QTGAL: variants seen among roughly 807,000 people sequenced by gnomAD.
QTGAL encodes BGnT-like protein 1.
the QTGAL span, among the ~76,000 whole-genome samples, chr17:83,036,371 C>G: frequency 1.3e-5 from 2 of 152,130 alleles, no homozygotes; most frequent in East Asian, 1.9e-4. Context: ...AAGGGGGTGA[C>G]CAGAGGGGCC....
the QTGAL span, among the ~76,000 whole-genome samples, chr17:83,031,260 G>A: frequency 3.3e-5 from 5 of 151,910 alleles, no homozygotes; most frequent in East Asian, 1.9e-4. Flanking sequence ...GAGCACCCAC[G>A]GGTCCCTCGC....
chr17:82,957,548 G>C, the QTGAL span: 16 of 1,544,590 alleles, frequency 1.0e-5, no homozygotes, highest in African/African-American at 2.7e-5. Context: ...GATGCACACA[G>C]ATGCTGACAT....
chr17:82,995,592 C>A, the QTGAL span, among the ~76,000 whole-genome samples: 4 of 152,054 alleles, frequency 2.6e-5, no homozygotes, highest in Non-Finnish European at 1.5e-5. Context: ...CTATGTTAAC[C>A]AGGATGGGTC....
chr17:83,026,215 C>A, the QTGAL span, among the ~76,000 whole-genome samples: 1 of 152,156 alleles, frequency 6.6e-6, no homozygotes, highest in African/African-American at 2.4e-5. Context: ...GGAGAACCAG[C>A]GAGAGCGTGG....
At chr17:83,009,602 G>A in the QTGAL span, among the ~76,000 whole-genome samples, 25 of 152,154 alleles carry the variant, frequency 1.6e-4, no homozygotes, top group Admixed American at 1.6e-3. Context: ...CCGTGGATTC[G>A]CCACAGAGGC....
At chr17:83,026,221 C>T in the QTGAL span, among the ~76,000 whole-genome samples, 4 of 152,174 alleles carry the variant, frequency 2.6e-5, no homozygotes, top group East Asian at 1.9e-4. Context: ...CCAGCGAGAG[C>T]GTGGGTGTTC....
the QTGAL span, among the ~76,000 whole-genome samples, chr17:82,970,624 CGTGGCCGCG>C: frequency 3.0e-5 from 2 of 66,636 alleles, no homozygotes; most frequent in African/African-American, 6.7e-5. Flanking sequence ...CCCCACCCGG[CGTGGCCGCG>C]ACCTCCGCAC....
the QTGAL span, chr17:82,978,644 AATTTTTCTGT>A: frequency 1.3e-5 from 2 of 152,082 alleles, no homozygotes; most frequent in Admixed American, 6.5e-5. This position sits in a 1 kb window ranked among gnomAD's most constrained non-coding sequence, Gnocchi z 4.8. Context: ...GGTTCTAGGA[AATTTTTCTGT>A]ATTTTTCTTA....
the QTGAL span, among the ~76,000 whole-genome samples, chr17:83,039,320 T>A: frequency 1.1e-4 from 5 of 44,986 alleles, no homozygotes; most frequent in Non-Finnish European, 2.1e-4. Context: ...GACACACTGC[T>A]GGGCGCCCGC....
the QTGAL span, chr17:83,005,801 G>T: frequency 8.9e-7 from 1 of 1,120,226 alleles, no homozygotes; most frequent in Non-Finnish European, 1.2e-6. The surrounding 1 kb of genome is among the most constrained non-coding windows in gnomAD (Gnocchi z 5.6). Flanking sequence ...CCCGGGCCCT[G>T]CAGAGCCTCA....
At chr17:83,007,203 T>C in the QTGAL span, 1 of 984,280 alleles carries the variant, frequency 1.0e-6, no homozygotes, top group Non-Finnish European at 1.2e-6. Flanking sequence ...ATTCTATCTG[T>C]GAACCTTTCA....
At chr17:83,043,040 A>T in the QTGAL span, among the ~76,000 whole-genome samples, 1 of 152,254 alleles carries the variant, frequency 6.6e-6, no homozygotes, top group Admixed American at 6.5e-5. Context: ...TAAGGCAAAG[A>T]TTGACTGAAT....
the QTGAL span, among the ~76,000 whole-genome samples, chr17:82,964,255 C>CA: frequency 0.49 from 35,219 of 72,422 alleles, 9,751 homozygotes; most frequent in East Asian, 0.74. Flanking sequence ...GACCCTGTCT[C>CA]AAAAAAAAAA....
At chr17:83,001,388 C>T in the QTGAL span, among the ~76,000 whole-genome samples, 1 of 152,134 alleles carries the variant, frequency 6.6e-6, no homozygotes, top group African/African-American at 2.4e-5. Context: ...AATGTATGCA[C>T]CTTCTTTAGA....
chr17:82,982,655 T>C, the QTGAL span, among the ~76,000 whole-genome samples: 1 of 152,152 alleles, frequency 6.6e-6, no homozygotes, highest in African/African-American at 2.4e-5. Flanking sequence ...AAACAGATGT[T>C]TGTAGTTTAT....
the QTGAL span, among the ~76,000 whole-genome samples, chr17:82,969,589 C>T: frequency 1.7e-4 from 26 of 152,338 alleles, no homozygotes; most frequent in East Asian, 1.2e-3. Context: ...ATTCGAGCCT[C>T]GCCTGAGGCC....
the QTGAL span, chr17:83,006,440 AG>A: frequency 2.0e-6 from 2 of 984,874 alleles, no homozygotes; most frequent in African/African-American, 1.7e-5. This position sits in a 1 kb window ranked among gnomAD's most constrained non-coding sequence, Gnocchi z 5.8. Flanking sequence ...AAACAACTGT[AG>A]AGAGACCCTC....
the QTGAL span, among the ~76,000 whole-genome samples, chr17:83,043,680 C>A: frequency 8.5e-6 from 1 of 117,046 alleles, no homozygotes; most frequent in Non-Finnish European, 1.8e-5. Flanking sequence ...TGAAAATAAA[C>A]AAACAATGAC....
At chr17:82,946,110 A>C in the QTGAL span, among the ~76,000 whole-genome samples, 2 of 152,200 alleles carry the variant, frequency 1.3e-5, no homozygotes, top group Non-Finnish European at 2.9e-5. Flanking sequence ...GTCACACACA[A>C]ACAGTTAATG....
Sources: gnomAD v4.1 joint callset for allele counts (sites outside exome capture counted in the v4.1 genomes callset) on GRCh38, gnomAD v4.1.1 for gene constraint, Gnocchi (gnomAD v3.1) non-coding constraint, MANE v1.5 for transcripts, NCBI Gene and HGNC (gene_info 2026-07-23, HGNC 2026-07-21) for gene names.